The following PSORS1C1 variants were observed in gnomAD, a reference collection of about 807,000 sequenced individuals.
PSORS1C1 encodes the protein psoriasis susceptibility 1 candidate 1.
PSORS1C1 carries 7 observed loss-of-function variants against 9.4 expected under a neutral mutation model. The observed-to-expected ratio is 0.75, with a 90% CI of 0.42 to 1.40. The LOEUF is 1.40. Among genes scored for constraint, PSORS1C1 ranks in the 40% most tolerant of loss-of-function variants. The pLI, the probability that PSORS1C1 is intolerant of heterozygous loss-of-function variation, is 0.01. For synonymous variants in PSORS1C1, 63 were observed against 69.4 expected (o/e 0.91, Z 0.46); for missense variants, 146 against 178.1 (o/e 0.82, Z 1.02).
intron 1 of PSORS1C1, chr6:31,118,442 C>G (rs1408742170): frequency 2.0e-5 from 3 of 152,472 alleles, no homozygotes; most frequent in Non-Finnish European, 4.4e-5. Flanking sequence ...CCCAGGGAAC[C>G]AGGACGAAAC....
At position 31,138,408 on chromosome 6, in the gene PSORS1C1, G is replaced by T. The variant is rs767546857; in HGVS notation, c.14-22G>T. 3.1e-6 allele frequency: 5 copies of T among 1,607,060 alleles called. No individual in the cohort carries two copies. The South Asian group carries it at 5.5e-5, about 18-fold the overall frequency. On this transcript the variant is annotated intron_variant, in intron 3 of 5. Coordinates refer to ENST00000259881, the MANE Select transcript of PSORS1C1 (RefSeq NM_014068.3). ...GGAGGAGCCTGTCTGGATGGACGCA[G>T]CCTGAACTGACCCACAAACAGACCA...
chr6:31,127,561 A>AATAATTATTATTATTATT (rs1554342596), intron 2 of PSORS1C1, among the ~76,000 whole-genome samples: 1 of 141,590 alleles, frequency 7.1e-6, no homozygotes, highest in African/African-American at 2.6e-5. Flanking sequence ...AGGAGACAGG[A>AATAATTATTATTATTATT]ATTATTATTA....
At chr6:31,136,876 C>T (rs1292000325) in intron 3 of PSORS1C1, among the ~76,000 whole-genome samples, 1 of 152,236 alleles carries the variant, frequency 6.6e-6, no homozygotes, top group Non-Finnish European at 1.5e-5. Flanking sequence ...GTTGGCCGGG[C>T]ACGGTGGCTC....
chr6:31,116,002 G>A (rs748282394), intron 1 of PSORS1C1: 4 of 1,575,252 alleles, frequency 2.5e-6, no homozygotes, highest in African/African-American at 1.5e-5. Context: ...CCCAAGGCAT[G>A]CACACACACA....
intron 3 of PSORS1C1, among the ~76,000 whole-genome samples, chr6:31,137,280 C>A (rs1416287920): frequency 2.0e-5 from 3 of 150,666 alleles, no homozygotes; most frequent in Non-Finnish European, 4.4e-5. Flanking sequence ...CACGGTGAAA[C>A]CCCGCCTCTA....
At chr6:31,117,071 A>G (rs1466334491) in intron 1 of PSORS1C1, 26 of 1,614,000 alleles carry the variant, frequency 1.6e-5, no homozygotes, top group Non-Finnish European at 2.2e-5. Context: ...CCGCGGTAAG[A>G]GTTGTCATTG....
intron 3 of PSORS1C1, among the ~76,000 whole-genome samples, chr6:31,136,804 C>T (rs897361173): frequency 6.6e-6 from 1 of 152,242 alleles, no homozygotes; most frequent in African/African-American, 2.4e-5. Context: ...ACTCAAGTTA[C>T]TTCCAGGTCT....
chr6:31,138,496 A>G (rs1019945737), intron 4 of PSORS1C1, 37 bp downstream of exon 4: 5 of 1,609,294 alleles, frequency 3.1e-6, no homozygotes, highest in Non-Finnish European at 4.2e-6. Context: ...GTAAAATGTC[A>G]TGAACCCCTA....
chr6:31,136,385 C>A (rs538857625), intron 3 of PSORS1C1, among the ~76,000 whole-genome samples: 1 of 134,170 alleles, frequency 7.5e-6, no homozygotes, highest in African/African-American at 2.9e-5. Context: ...AGAGATAATA[C>A]GTCTCAAAAA....
intron 1 of PSORS1C1, chr6:31,117,490 C>T (rs1439715201): frequency 6.4e-7 from 1 of 1,552,056 alleles, no homozygotes; most frequent in Admixed American, 2.0e-5. Context: ...GGGGTCCTTA[C>T]AAGGGTCTGA....
At position 31,128,596 on chromosome 6, in the gene PSORS1C1, C is replaced by A. The variant is rs1772782164; in HGVS notation, c.-64-973C>A. 6.6e-6 allele frequency among the ~76,000 whole-genome samples: 1 copy of A among 152,074 alleles called. No individual in the cohort carries two copies. Among genetic ancestry groups the A allele is most frequent in the African/African-American group, 2.4e-5 (1 of 41,404 alleles). Reference sequence around the variant, plus strand: ...CTCTGAGGATATTAGGGGGAAAAACCCACAGGAGGTGCATTTGGCTTAATT... The same window carrying A: ...CTCTGAGGATATTAGGGGGAAAAACACACAGGAGGTGCATTTGGCTTAATT... On this transcript the variant is annotated intron_variant, in intron 2 of 5. Coordinates refer to ENST00000259881, the MANE Select transcript of PSORS1C1 (RefSeq NM_014068.3). The surrounding 1 kb of genome is among the most constrained non-coding windows in gnomAD (Gnocchi z 4.3).
chr6:31,125,316 A>G (rs9263692), intron 1 of PSORS1C1, among the ~76,000 whole-genome samples: 17,017 of 151,784 alleles, frequency 0.11, 1,034 homozygotes, highest in Middle Eastern at 0.14. Flanking sequence ...TTTCTCCATG[A>G]CACCCACGCT....
intron 1 of PSORS1C1, among the ~76,000 whole-genome samples, chr6:31,121,217 G>A (rs1375287770): frequency 6.6e-6 from 1 of 152,054 alleles, no homozygotes; most frequent in Non-Finnish European, 1.5e-5. Context: ...GAGGGGCCTG[G>A]GCTGATGACC....
intron 5 of PSORS1C1, chr6:31,138,994 C>G: frequency 6.2e-7 from 1 of 1,614,108 alleles, no homozygotes; most frequent in African/African-American, 1.3e-5. Flanking sequence ...GGCAAAGGAC[C>G]AGGATCCCCA....
intron 3 of PSORS1C1, among the ~76,000 whole-genome samples, chr6:31,130,318 T>A (rs1403859293): frequency 6.6e-6 from 1 of 151,160 alleles, no homozygotes; most frequent in Non-Finnish European, 1.5e-5. Flanking sequence ...AGTGGTGCAA[T>A]CATATCTCAC....
intron 1 of PSORS1C1, among the ~76,000 whole-genome samples, chr6:31,123,632 C>G (rs3094207): frequency 0.41 from 62,195 of 152,100 alleles, 13,559 homozygotes; most frequent in African/African-American, 0.57. Context: ...AAAGCACATG[C>G]CTTCCATAGG....
At chr6:31,138,389 G>T in intron 3 of PSORS1C1, 41 bp from the exon 4 acceptor site, 1 of 1,602,652 alleles carries the variant, frequency 6.2e-7, no homozygotes, top group Non-Finnish European at 8.5e-7. Context: ...AGGAGGAGGA[G>T]CCTGTCTGGA....
Position 31,139,368 on chromosome 6 carries a change from TC to T in PSORS1C1, c.168-270del. On this transcript the variant is annotated intron_variant, in intron 5 of 5. Coordinates refer to ENST00000259881, the MANE Select transcript of PSORS1C1 (RefSeq NM_014068.3). This position sits in a 1 kb window ranked among gnomAD's most constrained non-coding sequence, Gnocchi z 5.2. ...GTAATCACAGAGATGTCCACCTTCA[TC>T]CCTTGCAACTATTGGAAGCCAAAGA... The T allele has an allele frequency of 1.7e-6, 1 of 590,418 alleles. No individual in the cohort carries two copies. The allele number at this position is 590,418 out of a possible 1,614,324, so 36.6% of individuals were successfully genotyped here.
chr6:31,116,077 A>T, intron 1 of PSORS1C1: 1 of 1,612,050 alleles, frequency 6.2e-7, no homozygotes, highest in Non-Finnish European at 8.5e-7. Flanking sequence ...AGGGTCAGCT[A>T]GCTGGGGCCC....
Sources: gnomAD v4.1 joint callset for allele counts (sites outside exome capture counted in the v4.1 genomes callset) on GRCh38, gnomAD v4.1.1 for gene constraint, Gnocchi (gnomAD v3.1) non-coding constraint, MANE v1.5 for transcripts, NCBI Gene and HGNC (gene_info 2026-07-23, HGNC 2026-07-21) for gene names.